The following ASTN2 variants were observed in gnomAD, a reference collection of about 807,000 sequenced individuals.
ASTN2 encodes the protein astrotactin-2.
In ASTN2, 54 loss-of-function variants were observed where a neutral mutation model predicts 139.8. The ratio of observed to expected loss-of-function variants is 0.39; its 90% CI spans 0.31 to 0.48. ASTN2 has a LOEUF of 0.48. Among genes scored for constraint, ASTN2 ranks in the 20% least tolerant of loss-of-function variants. ASTN2 has a pLI of 0.95. For missense variants in ASTN2, 1,565 were observed against 1,725.1 expected, an observed-to-expected ratio of 0.91 and a Z score of 1.64; for synonymous variants, 756 against 719.5, an observed-to-expected ratio of 1.05 and a Z score of -0.81.
At chr9:116,864,042 C>G (rs1228677089) in intron 10 of ASTN2, among the ~76,000 whole-genome samples, 1 of 152,130 alleles carries the variant, frequency 6.6e-6, no homozygotes. Context: ...GGTGAAGTAT[C>G]TTGCTGAAGG....
intron 2 of ASTN2, among the ~76,000 whole-genome samples, chr9:117,233,143 G>C (rs1222497753): frequency 6.6e-6 from 1 of 152,110 alleles, no homozygotes; most frequent in African/African-American, 2.4e-5. Context: ...CCTTCTGAGG[G>C]GCAGAGAGCA....
chr9:116,890,435 T>G (rs1564325528), intron 10 of ASTN2, among the ~76,000 whole-genome samples: 1 of 152,230 alleles, frequency 6.6e-6, no homozygotes, highest in Non-Finnish European at 1.5e-5. Context: ...TATGATATAA[T>G]CAAGAGAACC....
At chr9:117,235,763 T>C (rs909120508) in intron 2 of ASTN2, among the ~76,000 whole-genome samples, 2 of 152,188 alleles carry the variant, frequency 1.3e-5, no homozygotes, top group African/African-American at 4.8e-5. Context: ...AACTCTTTTT[T>C]TTTTAAATAC....
chr9:117,248,495 G>A (rs1833447970), intron 2 of ASTN2, among the ~76,000 whole-genome samples: 1 of 152,188 alleles, frequency 6.6e-6, no homozygotes, highest in Non-Finnish European at 1.5e-5. Context: ...TGGCAGAATT[G>A]CATTGTTTGG....
intron 11 of ASTN2, among the ~76,000 whole-genome samples, chr9:116,851,491 T>C (rs141706151): frequency 4.0e-5 from 6 of 149,862 alleles, no homozygotes; most frequent in African/African-American, 7.6e-5. Flanking sequence ...TCTATCTATC[T>C]ATCTATCTAT....
At chr9:116,522,226 C>T (rs1242235567) in intron 19 of ASTN2, among the ~76,000 whole-genome samples, 1 of 152,086 alleles carries the variant, frequency 6.6e-6, no homozygotes, top group Non-Finnish European at 1.5e-5. Context: ...ATGTTTATAG[C>T]AGCACAATTC....
chr9:116,737,987 T>C (rs987542412), intron 13 of ASTN2, among the ~76,000 whole-genome samples: 1 of 144,972 alleles, frequency 6.9e-6, no homozygotes, highest in Non-Finnish European at 1.5e-5. Context: ...GGTCAGGAGA[T>C]CGAGACCATC....
intron 2 of ASTN2, among the ~76,000 whole-genome samples, chr9:117,257,881 G>C (rs1218787356): frequency 2.0e-5 from 3 of 152,210 alleles, no homozygotes; most frequent in African/African-American, 7.2e-5. Flanking sequence ...GTGGGACAAA[G>C]GGCCAGCCTC....
intron 19 of ASTN2, among the ~76,000 whole-genome samples, chr9:116,576,718 C>G (rs559557800): frequency 6.6e-6 from 1 of 152,134 alleles, no homozygotes; most frequent in Non-Finnish European, 1.5e-5. Context: ...CCCCTTCTTA[C>G]CCCCTTCCCA....
At chr9:117,334,484 C>A (rs116106655) in intron 1 of ASTN2, among the ~76,000 whole-genome samples, 51 of 140,508 alleles carry the variant, frequency 3.6e-4, no homozygotes, top group South Asian at 1.2e-3. Flanking sequence ...TATATCAGGG[C>A]TTTTTTTTTT....
Position 116,854,524 on chromosome 9 carries a change from A to G in ASTN2, c.2040+9059T>C, listed in dbSNP as rs980871800. 2.6e-5 allele frequency among the ~76,000 whole-genome samples: 4 copies of G among 152,270 alleles called. No individual in the cohort carries two copies. The South Asian group carries it at 8.3e-4, about 32-fold the overall frequency. Reference sequence around the variant, plus strand: ...TACTTAAGCACTATAGTGTCTTCCCAAAAGTAGGGGATGGTAGTGGGAGAT... The same window carrying G: ...TACTTAAGCACTATAGTGTCTTCCCGAAAGTAGGGGATGGTAGTGGGAGAT... On this transcript the variant is annotated intron_variant, in intron 11 of 22. Coordinates refer to ENST00000313400, the MANE Select transcript of ASTN2 (RefSeq NM_001365068.1).
chr9:116,813,624 A>G (rs771587278), intron 12 of ASTN2, among the ~76,000 whole-genome samples: 1 of 152,222 alleles, frequency 6.6e-6, no homozygotes, highest in Non-Finnish European at 1.5e-5. Context: ...TCTTTTTCTC[A>G]TGTATTTTTT....
At chr9:116,479,473 GCC>G (rs10532277) in intron 20 of ASTN2, among the ~76,000 whole-genome samples, 108,061 of 151,830 alleles carry the variant, frequency 0.71, 40,021 homozygotes, top group Admixed American at 0.81. Flanking sequence ...AAGGCTCTCA[GCC>G]CCCTGGGCTT....
rs1453115908 is a variant in ASTN2 at position 116,851,654 on chromosome 9, A to C, written c.2040+11929T>G. ...ATGTCCTAAATATTCTTGTATGTGC[A>C]TATAATAATTTCATAATTAAAAAAA... On this transcript the variant is annotated intron_variant, in intron 11 of 22. Transcript: ENST00000313400. Among the ~76,000 whole-genome samples the C allele has an allele frequency of 3.3e-5, 5 of 152,240 alleles. No homozygotes were observed. In the South Asian group the frequency reaches 1.0e-3, roughly 32 times the overall value.
chr9:117,014,278 C>T (rs1195526719), intron 6 of ASTN2, among the ~76,000 whole-genome samples: 4 of 152,108 alleles, frequency 2.6e-5, no homozygotes, highest in Admixed American at 2.6e-4. Flanking sequence ...TAATACATTC[C>T]ACCACCTACC....
chr9:116,932,940 A>G (rs1834945568), intron 10 of ASTN2, among the ~76,000 whole-genome samples: 1 of 135,226 alleles, frequency 7.4e-6, no homozygotes, highest in African/African-American at 2.8e-5. Flanking sequence ...CAGGAGGTGG[A>G]GTTTTCAGGG....
chr9:117,091,575 G>A (rs867858702), intron 5 of ASTN2, among the ~76,000 whole-genome samples: 16 of 152,176 alleles, frequency 1.1e-4, no homozygotes, highest in Middle Eastern at 3.4e-3. Flanking sequence ...CACGTGATGG[G>A]GGGGCAGGTG....
intron 11 of ASTN2, among the ~76,000 whole-genome samples, chr9:116,824,806 T>C (rs1831579914): frequency 6.6e-6 from 1 of 152,224 alleles, no homozygotes; most frequent in South Asian, 2.1e-4. Context: ...CTGTTATAGG[T>C]ATTTGTAAAG....
intron 19 of ASTN2, among the ~76,000 whole-genome samples, chr9:116,574,081 G>C (rs559119944): frequency 6.6e-6 from 1 of 152,310 alleles, no homozygotes; most frequent in South Asian, 2.1e-4. Context: ...AAGGATAGAG[G>C]AAGCTTAGTT....
Sources: allele counts gnomAD v4.1 joint callset (sites outside exome capture counted in the v4.1 genomes callset), GRCh38; gene constraint gnomAD v4.1.1; transcripts MANE v1.5; gene names NCBI Gene and HGNC (gene_info 2026-07-23, HGNC 2026-07-21).